The following NIPBL variants were observed in gnomAD, a reference collection of about 807,000 sequenced individuals.
NIPBL encodes the protein nipped-B-like protein.
In NIPBL, 19 loss-of-function variants were observed where a neutral mutation model predicts 321.8. That is an observed-to-expected ratio of 0.06 (90% CI 0.04 to 0.09). NIPBL has a LOEUF of 0.09. NIPBL is among the 10% of genes least tolerant of loss of function. The probability of loss-of-function intolerance (pLI) is 1.00; values close to 1 mark genes in which losing one functional copy is unlikely to be tolerated. For missense variants in NIPBL, 2,210 were observed against 3,327.0 expected, an observed-to-expected ratio of 0.66 and a Z score of 8.26; for synonymous variants, 1,106 against 1,114.1, an observed-to-expected ratio of 0.99 and a Z score of 0.14.
intron 42 of NIPBL, 93 bp from the exon 43 acceptor site, chr5:37,057,093 G>C: frequency 5.6e-6 from 7 of 1,260,014 alleles, no homozygotes; most frequent in Non-Finnish European, 7.9e-6. Context: ...ATTAAGTGAG[G>C]TGAAAGTGCC....
At chr5:36,980,551 A>C (rs34673652) in intron 9 of NIPBL, among the ~76,000 whole-genome samples, 7,498 of 151,704 alleles carry the variant, frequency 0.049, 259 homozygotes, top group Non-Finnish European at 0.079. Flanking sequence ...TTTTAGATAC[A>C]CAGATGCTTA....
At chr5:37,000,942 G>A in intron 13 of NIPBL, 47 bp from the exon 14 acceptor site, 1 of 1,572,382 alleles carries the variant, frequency 6.4e-7, no homozygotes, top group Middle Eastern at 1.7e-4. Context: ...AGCTTCACAT[G>A]TCTACTTGTA....
intron 1 of NIPBL, among the ~76,000 whole-genome samples, chr5:36,887,127 A>G (rs187952216): frequency 1.3e-5 from 2 of 151,794 alleles, no homozygotes; most frequent in Non-Finnish European, 2.9e-5. Context: ...TTAACCCTCA[A>G]CCCCCAAATC....
intron 6 of NIPBL, among the ~76,000 whole-genome samples, chr5:36,964,994 T>A (rs1163922798): frequency 2.6e-5 from 4 of 152,120 alleles, no homozygotes; most frequent in African/African-American, 9.7e-5. Flanking sequence ...CTTGCCTTAA[T>A]TAAAATGGCC....
At chr5:37,025,848 T>G (rs1235150722) in intron 30 of NIPBL, among the ~76,000 whole-genome samples, 1 of 152,060 alleles carries the variant, frequency 6.6e-6, no homozygotes, top group Non-Finnish European at 1.5e-5. Flanking sequence ...CATTAGTAAA[T>G]TTACATTTAT....
At chr5:36,976,480 C>T (rs938577039) in intron 9 of NIPBL, 78 bp downstream of exon 9, 2 of 1,409,842 alleles carry the variant, frequency 1.4e-6, no homozygotes, top group Non-Finnish European at 2.0e-6. Context: ...TTTCACATTA[C>T]TTTTTTCCCG....
chr5:37,011,498 T>A (rs187088778), intron 21 of NIPBL, among the ~76,000 whole-genome samples: 31 of 152,262 alleles, frequency 2.0e-4, no homozygotes, highest in Admixed American at 3.9e-4. Context: ...CGAGACTCAG[T>A]GAGCCGAGAT....
At chr5:36,905,795 G>A (rs1747587199) in intron 1 of NIPBL, among the ~76,000 whole-genome samples, 1 of 151,856 alleles carries the variant, frequency 6.6e-6, no homozygotes, top group African/African-American at 2.4e-5. Flanking sequence ...CCAGGCTGGA[G>A]TGCAGTGGTG....
intron 30 of NIPBL, among the ~76,000 whole-genome samples, chr5:37,025,309 T>G (rs765663057): frequency 6.6e-6 from 1 of 152,204 alleles, no homozygotes; most frequent in Non-Finnish European, 1.5e-5. Context: ...GAGATTGCAT[T>G]ATATTCAAAG....
chr5:37,051,985 ATG>A (rs569398534), intron 41 of NIPBL, 99 bp downstream of exon 41: 74 of 876,720 alleles, frequency 8.4e-5, no homozygotes, highest in African/African-American at 8.2e-4. Flanking sequence ...TTGGAATAAA[ATG>A]TCTTACTTAG....
chr5:37,062,348 T>C (rs959635919), intron 45 of NIPBL, among the ~76,000 whole-genome samples: 6 of 152,224 alleles, frequency 3.9e-5, no homozygotes, highest in Admixed American at 6.5e-5. Context: ...CCAATATTAT[T>C]ACTTTTTCGT....
intron 1 of NIPBL, among the ~76,000 whole-genome samples, chr5:36,929,116 C>A (rs991513513): frequency 2.0e-5 from 3 of 152,104 alleles, no homozygotes; most frequent in African/African-American, 7.2e-5. Flanking sequence ...ACATTTCTAC[C>A]AGCAGTGTGT....
chr5:36,962,648 A>T (rs1199396813), intron 6 of NIPBL, among the ~76,000 whole-genome samples: 1 of 152,246 alleles, frequency 6.6e-6, no homozygotes, highest in African/African-American at 2.4e-5. Flanking sequence ...AGCCTTTCAC[A>T]TACATGGTTT....
chr5:37,012,604 C>T (rs1297907105), intron 21 of NIPBL, among the ~76,000 whole-genome samples: 4 of 152,196 alleles, frequency 2.6e-5, no homozygotes, highest in East Asian at 1.9e-4. Flanking sequence ...GAGGACCCTG[C>T]GGCCTTCCGG....
At chr5:37,015,375 T>C (rs935920161) in intron 22 of NIPBL, among the ~76,000 whole-genome samples, 1 of 152,246 alleles carries the variant, frequency 6.6e-6, no homozygotes, top group Non-Finnish European at 1.5e-5. Flanking sequence ...CTGCCTGCCC[T>C]GACCTCCCAA....
chr5:36,885,380 G>T, intron 1 of NIPBL: 2 of 453,482 alleles, frequency 4.4e-6, no homozygotes, highest in South Asian at 1.7e-5. Flanking sequence ...CGGCGGCTTG[G>T]GGTCCAGGGG....
chr5:36,919,422 C>G, intron 1 of NIPBL, among the ~76,000 whole-genome samples: 1 of 151,680 alleles, frequency 6.6e-6, no homozygotes, highest in Non-Finnish European at 1.5e-5. Context: ...TGGCCTTGAA[C>G]ACCTGGGCTT....
At chr5:36,957,756 G>A (rs1741130106) in intron 3 of NIPBL, among the ~76,000 whole-genome samples, 1 of 152,170 alleles carries the variant, frequency 6.6e-6, no homozygotes, top group Non-Finnish European at 1.5e-5. Context: ...GCCGAGGCGG[G>A]CAGACCATCT....
At chr5:36,918,198 G>C (rs541447105) in intron 1 of NIPBL, among the ~76,000 whole-genome samples, 2 of 151,856 alleles carry the variant, frequency 1.3e-5, no homozygotes, top group Admixed American at 6.6e-5. Flanking sequence ...CTTTTATTTC[G>C]TTGAGCAGTG....
Sources: gnomAD v4.1 joint callset for allele counts (sites outside exome capture counted in the v4.1 genomes callset) on GRCh38, gnomAD v4.1.1 for gene constraint, MANE v1.5 for transcripts, NCBI Gene and HGNC (gene_info 2026-07-23, HGNC 2026-07-21) for gene names.